The following AIFM2 variants were observed in gnomAD, a reference collection of about 807,000 sequenced individuals.
AIFM2 encodes the protein ferroptosis suppressor protein 1.
In AIFM2, 38 loss-of-function variants were observed where a neutral mutation model predicts 35.7. That is an observed-to-expected ratio of 1.06 (90% CI 0.82 to 1.39). The LOEUF is 1.39. AIFM2 is among the 40% of genes most tolerant of loss of function. The pLI is 0.00. For synonymous variants in AIFM2, 185 were observed against 203.5 expected, an observed-to-expected ratio of 0.91 and a Z score of 0.77; for missense variants, 476 against 491.2, an observed-to-expected ratio of 0.97 and a Z score of 0.29.
intron 2 of AIFM2, 63 bp from the exon 3 acceptor site, chr10:70,123,583 G>A: frequency 1.4e-6 from 2 of 1,445,918 alleles, no homozygotes; most frequent in South Asian, 1.2e-5. Flanking sequence ...AAGCCAGAGT[G>A]ACTCAGAACC....
chr10:70,118,159 T>C (rs893863779), intron 5 of AIFM2: 68 of 454,176 alleles, frequency 1.5e-4, no homozygotes, highest in Non-Finnish European at 2.4e-4. Context: ...GGACTACCAA[T>C]ATGCCAACAT....
intron 3 of AIFM2, among the ~76,000 whole-genome samples, chr10:70,121,838 T>C (rs898892539): frequency 6.8e-5 from 10 of 146,054 alleles, no homozygotes; most frequent in Non-Finnish European, 1.0e-4. Context: ...ACACCTGTAA[T>C]CCCAGCACTT....
At chr10:70,116,830 G>T in intron 6 of AIFM2, 56 bp from the exon 7 acceptor site, 2 of 1,601,156 alleles carry the variant, frequency 1.2e-6, no homozygotes, top group Non-Finnish European at 1.7e-6. Context: ...CATCAAGCCT[G>T]GACCCCAGGC....
chr10:70,123,620 T>A, intron 2 of AIFM2, 100 bp from the exon 3 acceptor site: 1 of 1,115,110 alleles, frequency 9.0e-7, no homozygotes, highest in South Asian at 1.4e-5. Flanking sequence ...CCAACAGGGG[T>A]GCCCTTGACC....
At chr10:70,129,868 C>T (rs753348943) in intron 1 of AIFM2, among the ~76,000 whole-genome samples, 15 of 146,362 alleles carry the variant, frequency 1.0e-4, no homozygotes, top group Non-Finnish European at 2.1e-4. Flanking sequence ...TGCACTCCAG[C>T]CTAGATGAGA....
intron 7 of AIFM2, among the ~76,000 whole-genome samples, chr10:70,115,693 G>C (rs936270459): frequency 1.3e-5 from 2 of 152,206 alleles, no homozygotes; most frequent in African/African-American, 4.8e-5. Flanking sequence ...TTGAACCCAG[G>C]AGGTGGAGGT....
At position 70,117,943 on chromosome 10, in the gene AIFM2, G is replaced by A. The variant is rs1212451243; in HGVS notation, c.508-23C>T. The A allele has an allele frequency of 1.3e-6, 2 of 1,554,962 alleles. No homozygotes were observed. Among genetic ancestry groups the A allele is most frequent in the East Asian group, 2.3e-5 (1 of 43,608 alleles). On this transcript the variant is annotated intron_variant, in intron 5 of 8. Transcript: ENST00000307864. The surrounding 1 kb of genome is among the most constrained non-coding windows in gnomAD (Gnocchi z 4.7). ...GACCTGAGGACAAAACGACCACAGG[G>A]CCTGAGAAGGAGCCCCCAAGTCTTC...
rs371849602 is a variant in AIFM2, at chr10:70,130,931, G to GAC, written c.-14+1801_-14+1802dup. On this transcript the variant is annotated intron_variant, in intron 1 of 8. Transcript: ENST00000307864. ...CCCTGCCACAACACACATACACACA[G>GAC]ACACACACACACACAATCTGATTTA... Among the ~76,000 whole-genome samples, 62 of 151,752 alleles carry GAC rather than the reference G, an allele frequency of 4.1e-4. No individual in the cohort carries two copies. The South Asian group carries it at 8.8e-3, about 21-fold the overall frequency.
chr10:70,116,663 G>A lies in AIFM2; in HGVS notation c.728C>T (p.Thr243Ile). 1 of 1,614,146 alleles carries A rather than the reference G, an allele frequency of 6.2e-7. No homozygotes were observed. Among genetic ancestry groups the A allele is most frequent in the Non-Finnish European group, 8.5e-7 (1 of 1,180,030 alleles). Reference protein sequence around the residue: ...EVATNLVILCTGIKINSSAYR... With the variant: ...EVATNLVILCIGIKINSSAYR... Reference sequence around the variant, plus strand: ...GGCGGAGCTGTTGATCTTGATGCCGGTGCAGAGAATCACCAGGTTGGTGGC... The same window carrying A: ...GGCGGAGCTGTTGATCTTGATGCCGATGCAGAGAATCACCAGGTTGGTGGC... Residue 243 changes from threonine (T) to isoleucine (I), a missense_variant, in exon 7 of 9, where the codon ACC becomes ATC. Thr to Ile is a moderately conservative substitution (Grantham distance 89). Coordinates refer to ENST00000307864, the MANE Select transcript of AIFM2 (RefSeq NM_032797.6).
In AIFM2 at chr10:70,112,746, C is replaced by T. The variant is rs1175553556; in HGVS notation, c.*1432G>A. Reference sequence around the variant, plus strand: ...AACCACTTCTGCTATGCAGATTTAACCCAGGCAGTCCAAGAGGGGCTCCTC... The same window carrying T: ...AACCACTTCTGCTATGCAGATTTAATCCAGGCAGTCCAAGAGGGGCTCCTC... On this transcript the variant is annotated 3_prime_UTR_variant, in exon 9 of 9. Transcript: ENST00000307864. 1 of 152,286 alleles carries T rather than the reference C, an allele frequency of 6.6e-6. No homozygotes were observed. The highest frequency in any genetic ancestry group is 2.4e-5 in the African/African-American group (1 of 41,462). The allele number at this position is 152,286 out of a possible 1,614,324, so 9.4% of individuals were successfully genotyped here. A position where few individuals can be genotyped will look rare whatever the true frequency, so the allele number is the denominator to read the frequency against.
At position 70,129,126 on chromosome 10, in the gene AIFM2, ATT is replaced by A. The variant is rs35700120; in HGVS notation, c.-14+3606_-14+3607del. On this transcript the variant is annotated intron_variant, in intron 1 of 8. Transcript: ENST00000307864. ...TAACCTTGAACTCCTGAGCTGGCTA[ATT>A]TTTTTTTTTTTTTTTGTAGAGATGA... is the stretch of plus-strand genomic sequence containing the variant. Among the ~76,000 whole-genome samples the A allele has an allele frequency of 7.5e-3, 1,000 of 133,858 alleles. 9 individuals are homozygous for A. The highest frequency in any genetic ancestry group is 0.023 in the African/African-American group (864 of 37,442). 87.8% of individuals were successfully genotyped at this position (133,858 alleles called of 152,430 possible).
At chr10:70,129,840 G>C (rs2072608471) in intron 1 of AIFM2, among the ~76,000 whole-genome samples, 1 of 151,768 alleles carries the variant, frequency 6.6e-6, no homozygotes, top group Non-Finnish European at 1.5e-5. Flanking sequence ...AGTTCACAGT[G>C]AGCTATGATT....
Position 70,124,012 on chromosome 10 carries a change from C to T in AIFM2, c.73G>A (p.Ala25Thr), listed in dbSNP as rs141124652. 28 of 1,611,946 alleles carry T rather than the reference C, an allele frequency of 1.7e-5. No homozygotes were observed. The highest frequency in any genetic ancestry group is 5.5e-5 in the South Asian group (5 of 90,760). The change falls in exon 2 of 9, where the codon GCA becomes ACA. Residue 25 changes from alanine (A) to threonine (T), a missense_variant. Coordinates refer to ENST00000307864, the MANE Select transcript of AIFM2 (RefSeq NM_032797.6). The stretch of plus-strand genomic sequence containing the variant: ...AGGGCCTGCAGCTGGCTGGCTGCTG[C>T]GATCCCGCCAAAGCCCCCACCCACA... ...VIVGGGFGGI[A>T]AASQLQALNV...
At chr10:70,116,515 G>A in intron 7 of AIFM2, 107 bp downstream of exon 7, 2 of 1,392,326 alleles carry the variant, frequency 1.4e-6, no homozygotes, top group Non-Finnish European at 2.0e-6. Context: ...GGGAAGAAAG[G>A]GGGAAGGCAG....
At chr10:70,120,868 CA>C (rs1244951433) in intron 4 of AIFM2, among the ~76,000 whole-genome samples, 1 of 152,226 alleles carries the variant, frequency 6.6e-6, no homozygotes, top group Non-Finnish European at 1.5e-5. Flanking sequence ...AAGTCAGAGA[CA>C]TACCAAGGGC....
At chr10:70,122,811 G>A (rs2072523832) in intron 3 of AIFM2, among the ~76,000 whole-genome samples, 1 of 152,152 alleles carries the variant, frequency 6.6e-6, no homozygotes. Context: ...TAGCTTCTCT[G>A]TAAAATGAAG....
rs1421706694 is a variant in AIFM2, at chr10:70,114,976, G to A, written c.914C>T (p.Ala305Val). The change falls in exon 8 of 9, where the codon GCC becomes GTC. Residue 305 changes from alanine to valine, a missense_variant. By Grantham distance (64) the Ala-to-Val change is moderately conservative (BLOSUM62 0). Transcript: ENST00000307864. ...CACAGAGTTGACGATGTTGGCCACG[G>A]CGATGTTGGCGTGGAGGCCGGCAAG... ...AYLAGLHANI[A>V]VANIVNSVKQ... 6.2e-7 allele frequency: 1 copy of A among 1,614,080 alleles called. No homozygotes were observed. The highest frequency in any genetic ancestry group is 1.7e-5 in the Admixed American group (1 of 60,016).
chr10:70,128,016 T>A (rs1334587225), intron 1 of AIFM2, among the ~76,000 whole-genome samples: 1 of 152,194 alleles, frequency 6.6e-6, no homozygotes, highest in Non-Finnish European at 1.5e-5. Flanking sequence ...ACATGCCGAC[T>A]CTCTTTGGCT....
intron 3 of AIFM2, among the ~76,000 whole-genome samples, chr10:70,122,254 C>T (rs957066018): frequency 6.6e-6 from 1 of 152,172 alleles, no homozygotes; most frequent in African/African-American, 2.4e-5. Flanking sequence ...TCCCCTGAAC[C>T]TCCAAGATGC....
Sources: allele counts gnomAD v4.1 joint callset (sites outside exome capture counted in the v4.1 genomes callset), GRCh38; gene constraint gnomAD v4.1.1; non-coding constraint Gnocchi (gnomAD v3.1); transcripts MANE v1.5; gene names NCBI Gene and HGNC (gene_info 2026-07-23, HGNC 2026-07-21).